Variants in SPOCK1 observed in about 807,000 individuals in gnomAD.
SPOCK1 encodes SPARC (osteonectin), cwcv and kazal like domains proteoglycan 1.
In SPOCK1, 23 loss-of-function variants were observed where a neutral mutation model predicts 55.3. That is an observed-to-expected ratio of 0.42 (90% CI 0.30 to 0.59). The LOEUF (loss-of-function observed/expected upper bound fraction) is 0.59, where lower values mean the gene tolerates loss of function less well. Among genes scored for constraint, SPOCK1 ranks in the 20% least tolerant of loss-of-function variants. SPOCK1 has a pLI of 0.22. For missense variants in SPOCK1, 499 were observed against 552.5 expected (o/e 0.90, Z 0.97); for synonymous variants, 226 against 221.0 (o/e 1.02, Z -0.20).
At chr5:137,397,764 T>C (rs898057450) in intron 2 of SPOCK1, among the ~76,000 whole-genome samples, 2 of 152,132 alleles carry the variant, frequency 1.3e-5, no homozygotes, top group Admixed American at 1.3e-4. Flanking sequence ...TAATACAGAC[T>C]ACTCAGGGCT....
intron 2 of SPOCK1, among the ~76,000 whole-genome samples, chr5:137,465,320 A>G (rs1276295278): frequency 6.6e-6 from 1 of 152,210 alleles, no homozygotes; most frequent in East Asian, 1.9e-4. Flanking sequence ...TGCCAAAATC[A>G]TGACAGCTTT....
chr5:137,136,071 G>T (rs1423789631), intron 4 of SPOCK1, among the ~76,000 whole-genome samples: 1 of 152,160 alleles, frequency 6.6e-6, no homozygotes, highest in Non-Finnish European at 1.5e-5. Flanking sequence ...TTTTGTAAAA[G>T]TGCCTTTAGA....
At chr5:137,093,140 G>A (rs1363104919) in intron 5 of SPOCK1, among the ~76,000 whole-genome samples, 1 of 152,148 alleles carries the variant, frequency 6.6e-6, no homozygotes, top group Non-Finnish European at 1.5e-5. Flanking sequence ...CTGCCACATT[G>A]GGGATTAAGT....
At chr5:137,195,438 G>T (rs148596872) in intron 3 of SPOCK1, among the ~76,000 whole-genome samples, 1 of 152,284 alleles carries the variant, frequency 6.6e-6, no homozygotes, top group African/African-American at 2.4e-5. Context: ...ATTGTTTTTT[G>T]AAGATATCTT....
At chr5:137,157,930 C>T (rs565870744) in intron 3 of SPOCK1, among the ~76,000 whole-genome samples, 60 of 152,212 alleles carry the variant, frequency 3.9e-4, no homozygotes, top group African/African-American at 1.3e-3. Context: ...GGTGTGGTGG[C>T]GCTTGCCTGC....
intron 2 of SPOCK1, among the ~76,000 whole-genome samples, chr5:137,332,180 T>G (rs1024612398): frequency 6.6e-6 from 1 of 151,824 alleles, no homozygotes; most frequent in Non-Finnish European, 1.5e-5. Flanking sequence ...GCTCTTTTCC[T>G]CCTGGGATCC....
chr5:137,492,068 T>C (rs1040298884), intron 2 of SPOCK1, among the ~76,000 whole-genome samples: 8 of 152,222 alleles, frequency 5.3e-5, no homozygotes, highest in African/African-American at 1.7e-4. Context: ...TGTTGACATC[T>C]GCCCATCAGG....
rs566210616 is a variant in SPOCK1, at chr5:137,486,815, G to T, written c.186+11558C>A. ...TATTATTTTATCTTTACTGTGGATAGAATTTGACCGTCTTAGTCATTGGAA... is the reference window on the plus strand; with the variant it reads ...TATTATTTTATCTTTACTGTGGATATAATTTGACCGTCTTAGTCATTGGAA... On this transcript the variant is annotated intron_variant, in intron 2 of 10. Transcript: ENST00000394945. Among the ~76,000 whole-genome samples, 9 of 152,326 alleles carry T rather than the reference G, an allele frequency of 5.9e-5. No homozygotes were observed. The South Asian group carries it at 1.7e-3, about 28-fold the overall frequency.
At chr5:137,379,317 C>A (rs1751406255) in intron 2 of SPOCK1, among the ~76,000 whole-genome samples, 2 of 151,512 alleles carry the variant, frequency 1.3e-5, no homozygotes, top group African/African-American at 4.9e-5. Flanking sequence ...GACAGAATAA[C>A]CATTTGAAAA....
chr5:137,202,332 T>C (rs533363760), intron 3 of SPOCK1, among the ~76,000 whole-genome samples: 2 of 152,360 alleles, frequency 1.3e-5, no homozygotes, highest in East Asian at 1.9e-4. Flanking sequence ...TGCTTGTGAA[T>C]ATACTGCTAA....
intron 3 of SPOCK1, among the ~76,000 whole-genome samples, chr5:137,236,104 A>G (rs1417171360): frequency 6.6e-6 from 1 of 152,212 alleles, no homozygotes; most frequent in Non-Finnish European, 1.5e-5. Context: ...TTTCCAGCCC[A>G]TGTCCTTGGT....
At chr5:137,074,655 T>G (rs1023292256) in intron 5 of SPOCK1, among the ~76,000 whole-genome samples, 40 of 152,076 alleles carry the variant, frequency 2.6e-4, no homozygotes, top group African/African-American at 9.7e-4. Flanking sequence ...TAGCTGGGAT[T>G]ACAGGCACCT....
intron 6 of SPOCK1, among the ~76,000 whole-genome samples, chr5:137,004,519 G>A (rs564678508): frequency 2.6e-5 from 4 of 152,064 alleles, no homozygotes; most frequent in Non-Finnish European, 5.9e-5. Flanking sequence ...AGAGAGGATC[G>A]TGTGACTGGC....
At chr5:137,286,636 C>G (rs1757272000) in intron 2 of SPOCK1, among the ~76,000 whole-genome samples, 1 of 152,156 alleles carries the variant, frequency 6.6e-6, no homozygotes, top group Non-Finnish European at 1.5e-5. Flanking sequence ...CCAGGGGAGA[C>G]TGCAGCCTAG....
rs1399696427 is a variant in SPOCK1 at position 136,976,732 on chromosome 5, C to CT, written c.*1921dup. 6 of 152,372 alleles carry CT rather than the reference C, an allele frequency of 3.9e-5. No homozygotes were observed. The highest frequency in any genetic ancestry group is 3.3e-4 in the Admixed American group (5 of 15,274). 9.4% of individuals were successfully genotyped at this position (152,372 alleles called of 1,614,324 possible). On this transcript the variant is annotated 3_prime_UTR_variant, in exon 11 of 11. Coordinates refer to ENST00000394945, the MANE Select transcript of SPOCK1 (RefSeq NM_004598.4). ...TCCCAAAACAGAGTTTGCCTATGGTCTGTCTTCCTATGGGGAAAGTAAGTA... is the reference window on the plus strand; with the variant it reads ...TCCCAAAACAGAGTTTGCCTATGGTCTTGTCTTCCTATGGGGAAAGTAAGTA...
At chr5:137,368,908 C>T (rs1025680143) in intron 2 of SPOCK1, among the ~76,000 whole-genome samples, 1 of 152,224 alleles carries the variant, frequency 6.6e-6, no homozygotes, top group African/African-American at 2.4e-5. Context: ...CAGCGGGGTT[C>T]GTGCAGCAAG....
intron 3 of SPOCK1, among the ~76,000 whole-genome samples, chr5:137,204,871 G>A (rs1048064672): frequency 1.3e-5 from 2 of 152,084 alleles, no homozygotes; most frequent in Admixed American, 1.3e-4. Flanking sequence ...TCTGCTTCTC[G>A]AGCATGCTTA....
At chr5:137,030,554 C>T (rs541952996) in intron 6 of SPOCK1, among the ~76,000 whole-genome samples, 1 of 152,282 alleles carries the variant, frequency 6.6e-6, no homozygotes, top group Non-Finnish European at 1.5e-5. Flanking sequence ...GGGGGGAGGT[C>T]TAGCAACTAA....
intron 3 of SPOCK1, among the ~76,000 whole-genome samples, chr5:137,153,690 C>G (rs1754360518): frequency 6.6e-6 from 1 of 151,536 alleles, no homozygotes; most frequent in Non-Finnish European, 1.5e-5. Context: ...CCTGTCTCTA[C>G]AAAATTTTTT....
Sources: allele counts gnomAD v4.1 joint callset (sites outside exome capture counted in the v4.1 genomes callset), GRCh38; gene constraint gnomAD v4.1.1; transcripts MANE v1.5; gene names NCBI Gene and HGNC (gene_info 2026-07-23, HGNC 2026-07-21).